SLC9A9: variants seen among roughly 807,000 people sequenced by gnomAD.
SLC9A9 encodes solute carrier family 9 member A9.
A neutral mutation model predicts 77.8 loss-of-function variants in SLC9A9; 62 were observed. The observed-to-expected ratio is 0.80, with a 90% CI of 0.65 to 0.98. SLC9A9 has a LOEUF of 0.98. Ranked by LOEUF, SLC9A9 falls within the 50% of genes least tolerant of loss-of-function variation. The pLI, the probability that SLC9A9 is intolerant of heterozygous loss-of-function variation, is 0.00. For synonymous variants in SLC9A9, 320 were observed against 283.5 expected, an observed-to-expected ratio of 1.13 and a Z score of -1.29; for missense variants, 775 against 774.9, an observed-to-expected ratio of 1.00 and a Z score of 0.00.
intron 2 of SLC9A9, among the ~76,000 whole-genome samples, chr3:143,807,671 G>C (rs543524322): frequency 6.6e-6 from 1 of 152,302 alleles, no homozygotes; most frequent in South Asian, 2.1e-4. Context: ...CTTGATCCTG[G>C]GAGGCGGAGG....
intron 4 of SLC9A9, among the ~76,000 whole-genome samples, chr3:143,722,365 C>T (rs144872066): frequency 0.012 from 1,785 of 147,710 alleles, 15 homozygotes; most frequent in Middle Eastern, 0.043. Flanking sequence ...CCCAGTTACC[C>T]GAGAGGCTGA....
chr3:143,751,678 C>G (rs930534627), intron 4 of SLC9A9, among the ~76,000 whole-genome samples: 4 of 152,192 alleles, frequency 2.6e-5, no homozygotes, highest in African/African-American at 9.6e-5. Context: ...GCACAAGAAC[C>G]TCTGCTTCAG....
At chr3:143,570,336 T>C (rs2037237528) in intron 8 of SLC9A9, among the ~76,000 whole-genome samples, 1 of 152,162 alleles carries the variant, frequency 6.6e-6, no homozygotes, top group Non-Finnish European at 1.5e-5. Flanking sequence ...TTAGCAGTGA[T>C]TAATAAGATT....
chr3:143,375,327 A>ATGTAAATCTGCAGTTT (rs1166174870), intron 13 of SLC9A9, among the ~76,000 whole-genome samples: 4 of 152,140 alleles, frequency 2.6e-5, no homozygotes, highest in Admixed American at 2.0e-4. Flanking sequence ...GGCCTTTTCC[A>ATGTAAATCTGCAGTTT]TGTAAATCTG....
chr3:143,581,472 C>CTCCT (rs761571793), intron 6 of SLC9A9, among the ~76,000 whole-genome samples: 2 of 151,964 alleles, frequency 1.3e-5, no homozygotes, highest in East Asian at 1.9e-4. Context: ...CCCTTTCTCT[C>CTCCT]TCCTTCCTTC....
chr3:143,754,863 T>C (rs1393710625), intron 4 of SLC9A9, among the ~76,000 whole-genome samples: 1 of 152,186 alleles, frequency 6.6e-6, no homozygotes, highest in Non-Finnish European at 1.5e-5. Flanking sequence ...AGTATGTATA[T>C]CAAAAGAACC....
rs373657309 is a variant in SLC9A9, at chr3:143,767,769, C to T, written c.533+27232G>A. On this transcript the variant is annotated intron_variant, in intron 4 of 15. Transcript: ENST00000316549. ...TTTGAAGAAATGGCTATTTAGATGC[C>T]TAATTTCCAACCATCTTTATCACTT... Among the ~76,000 whole-genome samples the T allele has an allele frequency of 1.1e-4, 16 of 152,216 alleles. No individual in the cohort carries two copies. The East Asian group carries it at 2.3e-3, about 22-fold the overall frequency.
intron 12 of SLC9A9, among the ~76,000 whole-genome samples, chr3:143,466,372 A>G (rs566861014): frequency 2.8e-4 from 43 of 152,310 alleles, no homozygotes; most frequent in African/African-American, 1.0e-3. Context: ...TTTAAAATAG[A>G]TTTACCCCTT....
chr3:143,498,219 A>G (rs542734302), intron 9 of SLC9A9, among the ~76,000 whole-genome samples: 1 of 152,338 alleles, frequency 6.6e-6, no homozygotes, highest in Admixed American at 6.5e-5. Context: ...GTTGTTATCT[A>G]TTCTGCTGTC....
chr3:143,617,928 A>C (rs989670880), intron 6 of SLC9A9, among the ~76,000 whole-genome samples: 15 of 152,204 alleles, frequency 9.9e-5, no homozygotes, highest in African/African-American at 3.4e-4. Context: ...AGAGAACAAG[A>C]CTGATAGCAA....
intron 12 of SLC9A9, among the ~76,000 whole-genome samples, chr3:143,402,674 A>ATC (rs897301557): frequency 6.6e-6 from 1 of 150,692 alleles, no homozygotes; most frequent in Non-Finnish European, 1.5e-5. Flanking sequence ...ACTACTCCAG[A>ATC]TCTCTTGTGG....
intron 2 of SLC9A9, among the ~76,000 whole-genome samples, chr3:143,808,534 T>C (rs2008783659): frequency 6.6e-6 from 1 of 152,260 alleles, no homozygotes; most frequent in African/African-American, 2.4e-5. Context: ...AATGTTTTGA[T>C]TCTGTTTTTA....
chr3:143,631,288 A>G (rs970638782), intron 6 of SLC9A9, among the ~76,000 whole-genome samples: 1 of 152,210 alleles, frequency 6.6e-6, no homozygotes, highest in Non-Finnish European at 1.5e-5. Context: ...TTTTGAAAAT[A>G]TAGAAGTAAA....
chr3:143,807,055 G>T (rs571036185), intron 2 of SLC9A9, among the ~76,000 whole-genome samples: 1 of 152,290 alleles, frequency 6.6e-6, no homozygotes, highest in African/African-American at 2.4e-5. Flanking sequence ...TTAGAGCTGA[G>T]ATCCAAAGGC....
chr3:143,339,879 A>G (rs933028193), intron 14 of SLC9A9, among the ~76,000 whole-genome samples: 1 of 152,180 alleles, frequency 6.6e-6, no homozygotes, highest in Admixed American at 6.5e-5. Flanking sequence ...TCCTTCTGTA[A>G]AAGGATGCTA....
chr3:143,605,726 G>T (rs1297244826), intron 6 of SLC9A9, among the ~76,000 whole-genome samples: 2 of 152,112 alleles, frequency 1.3e-5, no homozygotes, highest in East Asian at 1.9e-4. Context: ...CACTTTTAAG[G>T]CCTCAAATTT....
chr3:143,725,195 C>T (rs1934608001), intron 4 of SLC9A9, among the ~76,000 whole-genome samples: 1 of 152,074 alleles, frequency 6.6e-6, no homozygotes, highest in Admixed American at 6.5e-5. Flanking sequence ...GCACATAGTT[C>T]ACACCAGTTA....
intron 8 of SLC9A9, among the ~76,000 whole-genome samples, chr3:143,562,177 T>G (rs1210489969): frequency 6.6e-6 from 1 of 152,258 alleles, no homozygotes; most frequent in Non-Finnish European, 1.5e-5. Flanking sequence ...AGCAGCTTTA[T>G]GTCTCCTAAC....
At chr3:143,521,962 G>C (rs2036307627) in intron 9 of SLC9A9, among the ~76,000 whole-genome samples, 1 of 152,052 alleles carries the variant, frequency 6.6e-6, no homozygotes, top group African/African-American at 2.4e-5. Context: ...AGCTCGTGTT[G>C]GTGGGGCTGT....
Sources: gnomAD v4.1 joint callset for allele counts (sites outside exome capture counted in the v4.1 genomes callset) on GRCh38, gnomAD v4.1.1 for gene constraint, MANE v1.5 for transcripts, NCBI Gene and HGNC (gene_info 2026-07-23, HGNC 2026-07-21) for gene names.